RGL3: variants seen among roughly 807,000 people sequenced by gnomAD.
The protein encoded by RGL3 is ral guanine nucleotide dissociation stimulator-like 3.
A neutral mutation model predicts 90.6 loss-of-function variants in RGL3; 85 were observed. The observed-to-expected ratio is 0.94, with a 90% CI of 0.79 to 1.12. The LOEUF (loss-of-function observed/expected upper bound fraction) is 1.12, where lower values mean the gene tolerates loss of function less well. Ranked by LOEUF, RGL3 falls within the 50% of genes most tolerant of loss-of-function variation. The probability of loss-of-function intolerance (pLI) is 0.00; values close to 1 mark genes in which losing one functional copy is unlikely to be tolerated. For missense variants in RGL3, 1,034 were observed against 939.2 expected (o/e 1.10, Z -1.32); for synonymous variants, 408 against 385.5 (o/e 1.06, Z -0.68).
intron 18 of RGL3, among the ~76,000 whole-genome samples, chr19:11,396,484 T>A (rs1968575690): frequency 6.6e-6 from 1 of 151,502 alleles, no homozygotes; most frequent in Non-Finnish European, 1.5e-5. Context: ...TTCTCTATTT[T>A]TTGTATAGAT....
chr19:11,402,207 C>T lies in RGL3; in HGVS notation c.1362+8G>A. 1 of 1,613,010 alleles carries T rather than the reference C, an allele frequency of 6.2e-7. No individual in the cohort carries two copies. Among genetic ancestry groups the T allele is most frequent in the South Asian group, 1.1e-5 (1 of 91,068 alleles). ...GGCACCACCACACCCACTGTAGCCTCCACTCACCTTCCTCCTCTTCTCAAA... is the reference window on the plus strand; with the variant it reads ...GGCACCACCACACCCACTGTAGCCTTCACTCACCTTCCTCCTCTTCTCAAA... On this transcript the variant is annotated splice_region_variant and intron_variant, in intron 12 of 18. Coordinates refer to ENST00000380456, the MANE Select transcript of RGL3 (RefSeq NM_001035223.4).
chr19:11,414,559 T>G (rs1968960663), intron 5 of RGL3, among the ~76,000 whole-genome samples: 2 of 123,924 alleles, frequency 1.6e-5, no homozygotes, highest in African/African-American at 3.2e-5. Context: ...AACTGAGACT[T>G]TGTCACCAGG....
chr19:11,400,431 G>T, intron 13 of RGL3, 134 bp from the exon 14 acceptor site: 1 of 629,986 alleles, frequency 1.6e-6, no homozygotes, highest in Non-Finnish European at 2.6e-6. Flanking sequence ...CACATGCCAG[G>T]GTCAGGGTGG....
intron 5 of RGL3, among the ~76,000 whole-genome samples, chr19:11,407,391 G>T (rs1248515114): frequency 2.0e-5 from 3 of 152,008 alleles, no homozygotes; most frequent in Admixed American, 2.0e-4. Context: ...AGTGAGGGAG[G>T]TACTATTATT....
chr19:11,414,566 C>A (rs1968960730), intron 5 of RGL3, among the ~76,000 whole-genome samples: 1 of 121,894 alleles, frequency 8.2e-6, no homozygotes. Context: ...ACTTTGTCAC[C>A]AGGGATAGAG....
intron 5 of RGL3, among the ~76,000 whole-genome samples, chr19:11,410,727 C>G (rs1348330426): frequency 1.3e-5 from 2 of 151,848 alleles, no homozygotes; most frequent in East Asian, 3.9e-4. Flanking sequence ...AAAAAAAATG[C>G]CCTACATCTA....
chr19:11,397,246 C>G lies in RGL3; in HGVS notation c.2012G>C (p.Arg671Pro), dbSNP rs368117356. The G allele has an allele frequency of 4.3e-6, 7 of 1,613,398 alleles. No homozygotes were observed. Among genetic ancestry groups the G allele is most frequent in the Admixed American group, 1.7e-5 (1 of 59,970 alleles). ...YQLFQVLPGD[R>P]VLLIPDNANV... ...AGCTCCAACCCATCCCTGCTCACCC[C>G]GGTCCCCAGGAAGGACTTGAAAGAG... The change falls in exon 18 of 19, where the codon CGG (arginine) becomes CCG (proline). Residue 671 changes from arginine to proline, a missense_variant and splice_region_variant. Arg to Pro is a moderately radical substitution (Grantham distance 103). Coordinates refer to ENST00000380456, the MANE Select transcript of RGL3 (RefSeq NM_001035223.4).
intron 5 of RGL3, among the ~76,000 whole-genome samples, chr19:11,414,951 A>C (rs35063798): frequency 0.094 from 14,281 of 151,850 alleles, 1,027 homozygotes; most frequent in East Asian, 0.33. Context: ...AGCCTGGGCA[A>C]CATGGCACAA....
Position 11,418,664 on chromosome 19 carries a change from T to A in RGL3, c.147+7A>T. ...GCCCCGCGCCACCCACCAAACCCCC[T>A]CCTCACCTGGCTGCCCCCGGGGCCC... On this transcript the variant is annotated splice_region_variant and intron_variant, in intron 2 of 18. Transcript: ENST00000380456. The A allele has an allele frequency of 6.5e-7, 1 of 1,537,298 alleles. No individual in the cohort carries two copies.
rs192343091 is a variant in RGL3 at position 11,409,236 on chromosome 19, T to A, written c.638-2372A>T. Among the ~76,000 whole-genome samples, 263 of 151,074 alleles carry A rather than the reference T, an allele frequency of 1.7e-3. 2 individuals carry two copies. The highest frequency in any genetic ancestry group is 5.7e-3 in the African/African-American group (236 of 41,160). ...TGGCTCACGCCTGTAATCCCAGCAC[T>A]TTGGGAGGCCAAGGCGGGTAGATCA... On this transcript the variant is annotated intron_variant, in intron 5 of 18. Transcript: ENST00000380456.
chr19:11,413,554 A>T lies in RGL3; in HGVS notation c.637+2383T>A, dbSNP rs1382852472. On this transcript the variant is annotated intron_variant, in intron 5 of 18. Transcript: ENST00000380456. Reference sequence around the variant, plus strand: ...CGTCTCAAAAAAAAAAAAAAAAAAAAAAGGGCAGGGTCAGGCACAGTAGCT... The same window carrying T: ...CGTCTCAAAAAAAAAAAAAAAAAAATAAGGGCAGGGTCAGGCACAGTAGCT... Among the ~76,000 whole-genome samples, 5 of 148,110 alleles carry T rather than the reference A, an allele frequency of 3.4e-5. No homozygotes were observed. In the East Asian group the frequency reaches 9.9e-4, roughly 29 times the overall value.
chr19:11,400,135 T>C, intron 14 of RGL3, 27 bp from the exon 15 acceptor site: 1 of 1,595,472 alleles, frequency 6.3e-7, no homozygotes, highest in Non-Finnish European at 8.5e-7. Flanking sequence ...GGGATGAGGC[T>C]AAGGCAGGAG....
chr19:11,401,948 G>A lies in RGL3; in HGVS notation c.1484+63C>T, dbSNP rs542212061. ...AGCTGGAGGTGTGTATGGAGTGGGTGGAATCCAGTTGGTGACCCAGGCTCA... is the reference window on the plus strand; with the variant it reads ...AGCTGGAGGTGTGTATGGAGTGGGTAGAATCCAGTTGGTGACCCAGGCTCA... On this transcript the variant is annotated intron_variant, in intron 13 of 18. Coordinates refer to ENST00000380456, the MANE Select transcript of RGL3 (RefSeq NM_001035223.4). 4.0e-6 allele frequency: 6 copies of A among 1,503,882 alleles called. No homozygotes were observed. The East Asian group carries it at 1.1e-4, about 29-fold the overall frequency. The allele number at this position is 1,503,882 out of a possible 1,614,324, so 93.2% of individuals were successfully genotyped here.
At chr19:11,414,999 A>G (rs1309121769) in intron 5 of RGL3, among the ~76,000 whole-genome samples, 1 of 151,898 alleles carries the variant, frequency 6.6e-6, no homozygotes, top group South Asian at 2.1e-4. Context: ...GCGTGGTGAC[A>G]TGCGCCTGTG....
At chr19:11,414,167 A>ACACC (rs1200677170) in intron 5 of RGL3, among the ~76,000 whole-genome samples, 1 of 110,982 alleles carries the variant, frequency 9.0e-6, no homozygotes, top group African/African-American at 4.2e-5. Flanking sequence ...ATATATATAT[A>ACACC]TATATATATA....
chr19:11,395,906 C>T (rs1431479227), intron 18 of RGL3, among the ~76,000 whole-genome samples: 42 of 149,602 alleles, frequency 2.8e-4, no homozygotes, highest in South Asian at 6.3e-4. Flanking sequence ...GGATTACAGG[C>T]GTGAGCCACC....
chr19:11,403,964 C>A (rs936127615), intron 9 of RGL3, among the ~76,000 whole-genome samples: 1 of 152,154 alleles, frequency 6.6e-6, no homozygotes, highest in Non-Finnish European at 1.5e-5. Context: ...TCACTGAAGG[C>A]TTGACCGCCC....
intron 5 of RGL3, among the ~76,000 whole-genome samples, chr19:11,408,121 C>G (rs889552741): frequency 2.6e-5 from 4 of 152,190 alleles, no homozygotes; most frequent in Non-Finnish European, 5.9e-5. Flanking sequence ...GCACACACCA[C>G]CATGCCCAGC....
At chr19:11,397,717 A>C in intron 16 of RGL3, 120 bp from the exon 17 acceptor site, 1 of 1,090,992 alleles carries the variant, frequency 9.2e-7, no homozygotes, top group Non-Finnish European at 1.3e-6. Flanking sequence ...TAAAATCTCA[A>C]GAAAACATTG....
Sources: gnomAD v4.1 joint callset for allele counts (sites outside exome capture counted in the v4.1 genomes callset) on GRCh38, gnomAD v4.1.1 for gene constraint, MANE v1.5 for transcripts, NCBI Gene and HGNC (gene_info 2026-07-23, HGNC 2026-07-21) for gene names.